CPA1: variants seen among roughly 807,000 people sequenced by gnomAD.
The protein encoded by CPA1 is carboxypeptidase A1, also known as carboxypeptidase A1 (pancreatic).
In CPA1, 42 loss-of-function variants were observed where a neutral mutation model predicts 48.7. The ratio of observed to expected loss-of-function variants is 0.86; its 90% CI spans 0.67 to 1.11. The LOEUF (loss-of-function observed/expected upper bound fraction) is 1.11. Among genes scored for constraint, CPA1 ranks in the 50% most tolerant of loss-of-function variants. The probability of loss-of-function intolerance (pLI) is 0.00; values close to 1 mark genes in which losing one functional copy is unlikely to be tolerated. For missense variants in CPA1, 477 were observed against 544.7 expected, an observed-to-expected ratio of 0.88 and a Z score of 1.24; for synonymous variants, 203 against 217.9, an observed-to-expected ratio of 0.93 and a Z score of 0.60.
chr7:130,382,698 G>A (rs1370939311), intron 4 of CPA1, among the ~76,000 whole-genome samples: 5 of 141,378 alleles, frequency 3.5e-5, no homozygotes, highest in African/African-American at 1.3e-4. Flanking sequence ...GTACAGTGGC[G>A]CAGTAGCGTC....
At chr7:130,385,391 G>C (rs911636254) in intron 8 of CPA1, 46 bp downstream of exon 8, 1 of 1,571,644 alleles carries the variant, frequency 6.4e-7, no homozygotes, top group East Asian at 2.2e-5. Context: ...AGGTGGCTTC[G>C]GACAGGCCCA....
chr7:130,384,467 A>AC lies in CPA1; in HGVS notation c.697-63dup, dbSNP rs3043750. ...CTCTGCTCTCTGCAGCCTCTGAACCACCCCCCACCCAGCACTGTGACAAGC... is the reference window on the plus strand; with the variant it reads ...CTCTGCTCTCTGCAGCCTCTGAACCACCCCCCCACCCAGCACTGTGACAAGC... On this transcript the variant is annotated intron_variant, in intron 6 of 9. Coordinates refer to ENST00000011292, the MANE Select transcript of CPA1 (RefSeq NM_001868.4). 165,885 of 1,374,756 alleles carry AC rather than the reference A, an allele frequency of 0.12. 11,012 individuals are homozygous for AC. The highest frequency in any genetic ancestry group is 0.18 in the South Asian group (15,206 of 85,412). 85.2% of individuals were successfully genotyped at this position (1,374,756 alleles called of 1,614,324 possible).
intron 2 of CPA1, 68 bp from the exon 3 acceptor site, chr7:130,381,562 G>A (rs781858045): frequency 3.2e-6 from 4 of 1,236,912 alleles, no homozygotes; most frequent in Non-Finnish European, 4.7e-6. Flanking sequence ...CGCAGGCCCT[G>A]TCCCTGCCTG....
chr7:130,385,789 G>C, intron 8 of CPA1, 50 bp from the exon 9 acceptor site: 2 of 1,495,798 alleles, frequency 1.3e-6, no homozygotes, highest in Admixed American at 1.7e-5. Flanking sequence ...TGGACATGCT[G>C]TTCCAGGAGC....
intron 7 of CPA1, 67 bp downstream of exon 7, chr7:130,384,693 G>A: frequency 7.7e-7 from 1 of 1,295,364 alleles, no homozygotes; most frequent in Non-Finnish European, 1.1e-6. Context: ...CACTGCTCTT[G>A]CTCCCCGCCT....
rs782468799 is a variant in CPA1 at position 130,381,709 on chromosome 7, A to G, written c.227A>G (p.Lys76Arg). The change falls in exon 3 of 10, where the codon AAG becomes AGG. Residue 76 changes from lysine (K) to arginine (R), a missense_variant. Lys to Arg is a conservative substitution (Grantham distance 26). Coordinates refer to ENST00000011292, the MANE Select transcript of CPA1 (RefSeq NM_001868.4). ...RVPFPSIQAV[K>R]IFLESHGISY... Reference sequence around the variant, plus strand: ...CCCTTCCCCAGCATCCAGGCGGTCAAGATCTTTCTGGAGTCCCACGGCATC... The same window carrying G: ...CCCTTCCCCAGCATCCAGGCGGTCAGGATCTTTCTGGAGTCCCACGGCATC... The G allele has an allele frequency of 1.2e-6, 2 of 1,614,106 alleles. No homozygotes were observed. Among genetic ancestry groups the G allele is most frequent in the South Asian group, 2.2e-5 (2 of 91,074 alleles).
intron 6 of CPA1, 64 bp from the exon 7 acceptor site, chr7:130,384,472 C>CCCT: frequency 1.4e-6 from 2 of 1,452,680 alleles, no homozygotes; most frequent in Non-Finnish European, 1.9e-6. Flanking sequence ...GAACCACCCC[C>CCCT]CACCCAGCAC....
At position 130,387,755 on chromosome 7, in the gene CPA1, G is replaced by A. The variant is rs565231748; in HGVS notation, c.1073-69G>A. On this transcript the variant is annotated intron_variant, in intron 9 of 9. Transcript: ENST00000011292. The surrounding 1 kb of genome is among the most constrained non-coding windows in gnomAD (Gnocchi z 4.6). ...ACAGAGCTTTGGACAGGGTTGGATC[G>A]TTAACCCAACCCGTGTAAATATTCC... The A allele has an allele frequency of 4.9e-5, 71 of 1,437,372 alleles. No homozygotes were observed. The African/African-American group carries it at 5.9e-4, about 12-fold the overall frequency. The allele number at this position is 1,437,372 out of a possible 1,614,324, so 89.0% of individuals were successfully genotyped here. A position where few individuals can be genotyped will look rare whatever the true frequency, so the allele number is the denominator to read the frequency against.
At position 130,381,874 on chromosome 7, in the gene CPA1, C is replaced by T. The variant is rs781867465; in HGVS notation, c.381+11C>T. 1 of 1,609,170 alleles carries T rather than the reference C, an allele frequency of 6.2e-7. No homozygotes were observed. The highest frequency in any genetic ancestry group is 8.5e-7 in the Non-Finnish European group (1 of 1,177,358). On this transcript the variant is annotated intron_variant, in intron 3 of 9. Coordinates refer to ENST00000011292, the MANE Select transcript of CPA1 (RefSeq NM_001868.4). ...CACACCCTGGAGGAGGTGAGGGCGC[C>T]CCTAGCGGCCGCTCCCTGCAGCCAC... is the stretch of plus-strand genomic sequence containing the variant.
chr7:130,383,295 G>A (rs1266688484), intron 4 of CPA1, 96 bp from the exon 5 acceptor site: 5 of 870,750 alleles, frequency 5.7e-6, no homozygotes, highest in South Asian at 2.8e-5. Flanking sequence ...ACAGAGAGCA[G>A]GTGGTCTCTG....
intron 4 of CPA1, among the ~76,000 whole-genome samples, chr7:130,382,861 T>C (rs12539004): frequency 6.6e-6 from 1 of 151,458 alleles, no homozygotes; most frequent in South Asian, 2.1e-4. Context: ...GCCAGGATGG[T>C]CTCGATCTCC....
Position 130,387,345 on chromosome 7 carries a change from G to T in CPA1, c.1073-479G>T, listed in dbSNP as rs547494481. On this transcript the variant is annotated intron_variant, in intron 9 of 9. Transcript: ENST00000011292. The surrounding 1 kb of genome is among the most constrained non-coding windows in gnomAD (Gnocchi z 4.6). Reference sequence around the variant, plus strand: ...TCTCTCCTGGGCCAATTCAAAAGTGGCTTCATTACCCACTGTTAATTACAG... The same window carrying T: ...TCTCTCCTGGGCCAATTCAAAAGTGTCTTCATTACCCACTGTTAATTACAG... Among the ~76,000 whole-genome samples the T allele has an allele frequency of 5.4e-4, 83 of 152,318 alleles. 3 individuals are homozygous for T. In the South Asian group the frequency reaches 0.017, roughly 31 times the overall value.
Position 130,381,172 on chromosome 7 carries a change from A to G in CPA1, c.140A>G (p.His47Arg). The change falls in exon 2 of 10, where the codon CAC becomes CGC. Residue 47 changes from histidine (H) to arginine (R), a missense_variant. His to Arg is a conservative substitution (Grantham distance 29). Transcript: ENST00000011292. ...GTGAAGGAGCTGGAGGACCTGGAGC[A>G]CCTGCAGGTCAGAAGAGGGGAGAAG... is the stretch of plus-strand genomic sequence containing the variant. ...QKVKELEDLEHLQLDFWRGPA... is the reference protein window; with the variant it reads ...QKVKELEDLERLQLDFWRGPA... 1 of 1,611,976 alleles carries G rather than the reference A, an allele frequency of 6.2e-7. No homozygotes were observed. The highest frequency in any genetic ancestry group is 8.5e-7 in the Non-Finnish European group (1 of 1,178,734).
intron 7 of CPA1, 200 bp downstream of exon 7, chr7:130,384,826 CA>C: frequency 1.6e-6 from 1 of 616,080 alleles, no homozygotes; most frequent in Admixed American, 2.9e-5. Flanking sequence ...AAGTTGCTTG[CA>C]AATGGGCTAA....
chr7:130,382,147 C>A lies in CPA1; in HGVS notation c.421C>A (p.His141Asn), dbSNP rs1584851048. The change falls in exon 4 of 10, where the codon CAC (histidine) becomes AAC (asparagine). Residue 141 changes from histidine to asparagine, a missense_variant. Coordinates refer to ENST00000011292, the MANE Select transcript of CPA1 (RefSeq NM_001868.4). ...FLDLLVAENP[H>N]LVSKIQIGNT... ...GGACCTGCTGGTGGCGGAGAACCCG[C>A]ACCTTGTCAGCAAGATCCAGATTGG... 6.2e-7 allele frequency: 1 copy of A among 1,614,128 alleles called. No homozygotes were observed. Among genetic ancestry groups the A allele is most frequent in the African/African-American group, 1.3e-5 (1 of 74,946 alleles).
Position 130,382,164 on chromosome 7 carries a change from C to T in CPA1, c.438C>T (p.Ile146=). Reference sequence around the variant, plus strand: ...AGAACCCGCACCTTGTCAGCAAGATCCAGATTGGCAACACCTATGAAGGGC... The same window carrying T: ...AGAACCCGCACCTTGTCAGCAAGATTCAGATTGGCAACACCTATGAAGGGC... ...VAENPHLVSK[I]QIGNTYEGRP... is the part of the protein sequence containing the mutation. The change falls in exon 4 of 10, where the codon ATC becomes ATT. Residue 146 remains isoleucine, a synonymous_variant. Transcript: ENST00000011292. 2 of 1,614,236 alleles carry T rather than the reference C, an allele frequency of 1.2e-6. No homozygotes were observed. The highest frequency in any genetic ancestry group is 1.7e-6 in the Non-Finnish European group (2 of 1,180,038).
chr7:130,384,666 C>T (rs781983524), intron 7 of CPA1, 40 bp downstream of exon 7: 15 of 1,510,770 alleles, frequency 9.9e-6, no homozygotes, highest in East Asian at 2.3e-5. Context: ...ATGGGATGGC[C>T]TCGAATGGCT....
intron 1 of CPA1, 126 bp from the exon 2 acceptor site, chr7:130,380,972 C>T: frequency 1.3e-6 from 1 of 759,898 alleles, no homozygotes; most frequent in Non-Finnish European, 2.3e-6. Flanking sequence ...CTGTCCCCTG[C>T]CCAGCCCAGA....
chr7:130,380,599 G>A lies in CPA1; in HGVS notation c.65+14G>A, dbSNP rs1362545496. ...GGACTTTGTGGGGTAGGGATGTGGA[G>A]AGGAGGGGGTGCCCTCTGAGGGTGA... On this transcript the variant is annotated intron_variant, in intron 1 of 9. Coordinates refer to ENST00000011292, the MANE Select transcript of CPA1 (RefSeq NM_001868.4). 10 of 1,297,222 alleles carry A rather than the reference G, an allele frequency of 7.7e-6. No individual in the cohort carries two copies. The highest frequency in any genetic ancestry group is 9.9e-6 in the Non-Finnish European group (10 of 1,006,036). 80.4% of individuals were successfully genotyped at this position (1,297,222 alleles called of 1,614,324 possible).
Sources: gnomAD v4.1 joint callset for allele counts (sites outside exome capture counted in the v4.1 genomes callset) on GRCh38, gnomAD v4.1.1 for gene constraint, Gnocchi (gnomAD v3.1) non-coding constraint, MANE v1.5 for transcripts, NCBI Gene and HGNC (gene_info 2026-07-23, HGNC 2026-07-21) for gene names.